The following UCN3 variants were observed in gnomAD, a reference collection of about 807,000 sequenced individuals.
UCN3 encodes urocortin-3.
Under a neutral mutation model 3.6 loss-of-function variants are expected in UCN3, and 3 were observed. The ratio of observed to expected loss-of-function variants is 0.83; its 90% CI spans 0.38 to 2.15. The LOEUF is 2.15. Ranked by LOEUF, UCN3 falls within the 30% of genes most tolerant of loss-of-function variation. The pLI is 0.06. For synonymous variants in UCN3, 100 were observed against 93.2 expected, an observed-to-expected ratio of 1.07 and a Z score of -0.42; for missense variants, 206 against 208.3, an observed-to-expected ratio of 0.99 and a Z score of 0.07.
intron 1 of UCN3, among the ~76,000 whole-genome samples, chr10:5,368,428 A>G (rs1269126142): frequency 3.3e-5 from 5 of 152,212 alleles, no homozygotes; most frequent in African/African-American, 1.2e-4. Flanking sequence ...AGAAGTAGAA[A>G]AAGAAAGAAA....
intron 1 of UCN3, among the ~76,000 whole-genome samples, chr10:5,370,993 A>G (rs949462556): frequency 2.0e-5 from 3 of 149,342 alleles, no homozygotes; most frequent in Non-Finnish European, 4.4e-5. Flanking sequence ...TGAGGTATGT[A>G]TGTGTGTGCA....
intron 1 of UCN3, among the ~76,000 whole-genome samples, chr10:5,372,399 G>C (rs547957268): frequency 3.5e-4 from 53 of 152,320 alleles, no homozygotes; most frequent in African/African-American, 1.2e-3. Context: ...TCCCCTGATG[G>C]GGATGGCAGT....
chr10:5,369,379 G>T (rs1554810980), intron 1 of UCN3, among the ~76,000 whole-genome samples: 1 of 152,240 alleles, frequency 6.6e-6, no homozygotes. Context: ...TTGAGCATCT[G>T]CTCAGACAAG....
chr10:5,372,240 G>A (rs1554811619), intron 1 of UCN3, among the ~76,000 whole-genome samples: 1 of 152,180 alleles, frequency 6.6e-6, no homozygotes, highest in African/African-American at 2.4e-5. Context: ...TTGATCTCAG[G>A]GCACAGGAAG....
chr10:5,373,729 G>GC lies in UCN3; in HGVS notation c.11dup (p.Val5GlyfsTer38), dbSNP rs1554811749. ...TTCTGCTGCAGGGAGAGATGCTGAT[G>GC]CCGGTCCACTTCCTGCTGCTCCTGC... On this transcript the variant is annotated frameshift_variant, in exon 2 of 2. Coordinates refer to ENST00000380433, the MANE Select transcript of UCN3 (RefSeq NM_053049.4). LOFTEE classifies it low-confidence loss of function (END_TRUNC). The GC allele has an allele frequency of 1.2e-6, 2 of 1,613,368 alleles. No individual in the cohort carries two copies. The highest frequency in any genetic ancestry group is 1.7e-6 in the Non-Finnish European group (2 of 1,179,594).
At chr10:5,371,248 ATGTG>A (rs1208892275) in intron 1 of UCN3, among the ~76,000 whole-genome samples, 2 of 146,842 alleles carry the variant, frequency 1.4e-5, no homozygotes, top group South Asian at 2.2e-4. Flanking sequence ...GTCTATATGT[ATGTG>A]TGAGGTGTGT....
In UCN3 at chr10:5,370,778, CGTGT is replaced by C. The variant is rs139294043; in HGVS notation, c.-6-2928_-6-2925del. ...GTGTGTGTATATGCGTGTGTATATG[CGTGT>C]GTGTGTGTATGCGTGTGTATATGTG... On this transcript the variant is annotated intron_variant, in intron 1 of 1. Coordinates refer to ENST00000380433, the MANE Select transcript of UCN3 (RefSeq NM_053049.4). Among the ~76,000 whole-genome samples, 125 of 72,508 alleles carry C rather than the reference CGTGT, an allele frequency of 1.7e-3. 1 individual carries two copies. Among genetic ancestry groups the C allele is most frequent in the Non-Finnish European group, 2.0e-3 (77 of 37,792 alleles). The allele number at this position is 72,508 out of a possible 152,430, so 47.6% of individuals were successfully genotyped here.
In UCN3 at chr10:5,370,186, TATATGC is replaced by T. The variant is rs1831344740; in HGVS notation, c.-6-3528_-6-3523del. Among the ~76,000 whole-genome samples, 3 of 94,350 alleles carry T rather than the reference TATATGC, an allele frequency of 3.2e-5. 1 individual carries two copies. Among genetic ancestry groups the T allele is most frequent in the Non-Finnish European group, 5.9e-5 (3 of 51,176 alleles). 61.9% of individuals were successfully genotyped at this position (94,350 alleles called of 152,430 possible). A position where few individuals can be genotyped will look rare whatever the true frequency, so the allele number is the denominator to read the frequency against. On this transcript the variant is annotated intron_variant, in intron 1 of 1. Coordinates refer to ENST00000380433, the MANE Select transcript of UCN3 (RefSeq NM_053049.4). ...GTATATGTGTGTGTATATGCGTGTG[TATATGC>T]GTGTGTATATGCGTGTGTATGTGTG... is the stretch of plus-strand genomic sequence containing the variant.
At chr10:5,370,344 T>A (rs797041135) in intron 1 of UCN3, among the ~76,000 whole-genome samples, 1 of 54,494 alleles carries the variant, frequency 1.8e-5, no homozygotes, top group Non-Finnish European at 3.4e-5. Flanking sequence ...TGTATATGCG[T>A]GTGTATATGT....
At chr10:5,371,213 T>TGC (rs1554811531) in intron 1 of UCN3, among the ~76,000 whole-genome samples, 1 of 151,158 alleles carries the variant, frequency 6.6e-6, no homozygotes. Flanking sequence ...TATGTGTGCA[T>TGC]ATGTGTGCAT....
rs370893645 is a variant in UCN3, at chr10:5,374,224, G to T, written c.*18G>T. ...AGAAGTAGAGGCGGAGGCTGGACGG[G>T]AGGGCAGCGGGGTGGGGAGGGGGAG... On this transcript the variant is annotated 3_prime_UTR_variant, in exon 2 of 2. Transcript: ENST00000380433. The T allele has an allele frequency of 1.1e-4, 160 of 1,510,038 alleles. No homozygotes were observed. Among genetic ancestry groups the T allele is most frequent in the Non-Finnish European group, 1.4e-4 (153 of 1,120,092 alleles). The allele number at this position is 1,510,038 out of a possible 1,614,324, so 93.5% of individuals were successfully genotyped here.
rs1834121028 is a variant in UCN3, at chr10:5,366,720, G to A, written c.-7+1490G>A. Among the ~76,000 whole-genome samples the A allele has an allele frequency of 6.6e-6, 1 of 152,128 alleles. No homozygotes were observed. The highest frequency in any genetic ancestry group is 1.5e-5 in the Non-Finnish European group (1 of 68,028). On this transcript the variant is annotated intron_variant, in intron 1 of 1. Coordinates refer to ENST00000380433, the MANE Select transcript of UCN3 (RefSeq NM_053049.4). The surrounding 1 kb of genome is among the most constrained non-coding windows in gnomAD (Gnocchi z 4.2). The stretch of plus-strand genomic sequence containing the variant: ...ACGATCTAAAACTAAGCTCAGCACC[G>A]GGCGTCCCTATCATGTCCAATTCAC...
In UCN3 at chr10:5,373,782, G is replaced by C; in HGVS notation, c.62G>C (p.Gly21Ala). Residue 21 changes from glycine to alanine, a missense_variant, in exon 2 of 2, where the codon GGC becomes GCC. By Grantham distance (60) the Gly-to-Ala change is moderately conservative. Coordinates refer to ENST00000380433, the MANE Select transcript of UCN3 (RefSeq NM_053049.4). Reference sequence around the variant, plus strand: ...CTGCTCCTGGGGGGCCCCAGGACAGGCCTCCCCCACAAGTTCTACAAAGCC... The same window carrying C: ...CTGCTCCTGGGGGGCCCCAGGACAGCCCTCCCCCACAAGTTCTACAAAGCC... ...LLLLLGGPRT[G>A]LPHKFYKAKP... The C allele has an allele frequency of 1.2e-6, 2 of 1,613,872 alleles. No individual in the cohort carries two copies. Among genetic ancestry groups the C allele is most frequent in the Non-Finnish European group, 1.7e-6 (2 of 1,179,914 alleles).
rs1564443087 is a variant in UCN3, at chr10:5,370,504, CGTGTGTATATGTGTGTGTATGTGT to C, written c.-6-3199_-6-3176del. ...ATATGTGTGTATGTGTGTGTATATG[CGTGTGTATATGTGTGTGTATGTGT>C]GTGTGTATATGCGTGTATATGTGTG... On this transcript the variant is annotated intron_variant, in intron 1 of 1. Transcript: ENST00000380433. 1.4e-3 allele frequency among the ~76,000 whole-genome samples: 28 copies of C among 20,562 alleles called. 1 individual carries two copies. The South Asian group carries it at 0.026, about 19-fold the overall frequency. The allele number at this position is 20,562 out of a possible 152,430, so 13.5% of individuals were successfully genotyped here.
In UCN3 at chr10:5,374,598, T is replaced by C. The variant is rs114132749; in HGVS notation, c.*392T>C. 8,495 of 170,704 alleles carry C rather than the reference T, an allele frequency of 0.05. 366 individuals carry two copies. The highest frequency in any genetic ancestry group is 0.12 in the East Asian group (710 of 6,060). 10.6% of individuals were successfully genotyped at this position (170,704 alleles called of 1,614,324 possible). On this transcript the variant is annotated 3_prime_UTR_variant, in exon 2 of 2. Transcript: ENST00000380433. ...CAGGGCTCCTCTCCCACACATCAACTTCTTCCAGGGCAGAAAGAGGAGCTG... is the reference window on the plus strand; with the variant it reads ...CAGGGCTCCTCTCCCACACATCAACCTCTTCCAGGGCAGAAAGAGGAGCTG...
rs1554810713 is a variant in UCN3, at chr10:5,366,590, AAG to A, written c.-7+1362_-7+1363del. On this transcript the variant is annotated intron_variant, in intron 1 of 1. Transcript: ENST00000380433. This position sits in a 1 kb window ranked among gnomAD's most constrained non-coding sequence, Gnocchi z 4.2. ...TAAACAAATCTAAACAGATCCTAAA[AAG>A]AAAAGTCCTGGAAAGAAATCTGAAT... Among the ~76,000 whole-genome samples, 1 of 152,186 alleles carries A rather than the reference AAG, an allele frequency of 6.6e-6. No individual in the cohort carries two copies. The highest frequency in any genetic ancestry group is 1.5e-5 in the Non-Finnish European group (1 of 68,032).
intron 1 of UCN3, among the ~76,000 whole-genome samples, chr10:5,370,837 G>A (rs1388367008): frequency 1.1e-5 from 1 of 88,182 alleles, no homozygotes; most frequent in African/African-American, 4.8e-5. Flanking sequence ...GCGTGTGTGT[G>A]CGCGTGTGTG....
At chr10:5,373,600 C>T (rs978573535) in intron 1 of UCN3, 115 bp from the exon 2 acceptor site, 2 of 1,483,912 alleles carry the variant, frequency 1.3e-6, no homozygotes, top group Non-Finnish European at 1.8e-6. Flanking sequence ...GGGGGTCATA[C>T]TTGGAGAACC....
rs915259331 is a variant in UCN3, at chr10:5,365,707, G to A, written c.-7+477G>A. Among the ~76,000 whole-genome samples the A allele has an allele frequency of 4.6e-5, 7 of 152,144 alleles. No homozygotes were observed. Among genetic ancestry groups the A allele is most frequent in the Admixed American group, 4.6e-4 (7 of 15,286 alleles). ...CAAACCTTCACCTGTGCCATCTCCC[G>A]TCACTCTCGGGCACACCTGTGAAGC... On this transcript the variant is annotated intron_variant, in intron 1 of 1. Transcript: ENST00000380433. The surrounding 1 kb of genome is among the most constrained non-coding windows in gnomAD (Gnocchi z 4.4).
Sources: gnomAD v4.1 joint callset for allele counts (sites outside exome capture counted in the v4.1 genomes callset) on GRCh38, gnomAD v4.1.1 for gene constraint, Gnocchi (gnomAD v3.1) non-coding constraint, MANE v1.5 for transcripts, NCBI Gene and HGNC (gene_info 2026-07-23, HGNC 2026-07-21) for gene names.